Variants in VGLL4 observed in about 807,000 individuals in gnomAD.
VGLL4 encodes the protein transcription cofactor vestigial-like protein 4.
In VGLL4, 7 loss-of-function variants were observed where a neutral mutation model predicts 21.0. The ratio of observed to expected loss-of-function variants is 0.33; its 90% CI spans 0.19 to 0.63. The LOEUF is 0.63. Ranked by LOEUF, VGLL4 falls within the 20% of genes least tolerant of loss-of-function variation. VGLL4 has a pLI of 0.78. For synonymous variants in VGLL4, 222 were observed against 173.2 expected (o/e 1.28, Z -2.21); for missense variants, 394 against 425.7 (o/e 0.93, Z 0.66).
chr3:11,636,992 C>T (rs1423333240), intron 1 of VGLL4, among the ~76,000 whole-genome samples: 3 of 150,324 alleles, frequency 2.0e-5, no homozygotes, highest in African/African-American at 7.4e-5. Flanking sequence ...GATGTGTGCA[C>T]TACTTTAAAA....
intron 2 of VGLL4, among the ~76,000 whole-genome samples, chr3:11,576,122 T>A (rs2074037276): frequency 6.6e-6 from 1 of 152,220 alleles, no homozygotes; most frequent in African/African-American, 2.4e-5. Context: ...CGGTAAAGCA[T>A]CTCACCTGCC....
chr3:11,700,196 G>A (rs555294599), intron 2 of VGLL4, among the ~76,000 whole-genome samples: 1 of 152,174 alleles, frequency 6.6e-6, no homozygotes, highest in African/African-American at 2.4e-5. Context: ...AAACTAGGTA[G>A]GCCTCCAACT....
At position 11,565,704 on chromosome 3, in the gene VGLL4, ACT is replaced by A. The variant is rs2073452943; in HGVS notation, c.273-687_273-686del. 6.6e-6 allele frequency among the ~76,000 whole-genome samples: 1 copy of A among 152,230 alleles called. No individual in the cohort carries two copies. ...GTGACCTGCGTCCAGAAGGTCCATC[ACT>A]AGCCCTGGCCATGTGCTGAGCACCC... On this transcript the variant is annotated intron_variant, in intron 2 of 4. Coordinates refer to ENST00000430365, the MANE Select transcript of VGLL4 (RefSeq NM_001128219.3). This position sits in a 1 kb window ranked among gnomAD's most constrained non-coding sequence, Gnocchi z 4.1.
In VGLL4 at chr3:11,625,731, T is replaced by G. The variant is rs559573512; in HGVS notation, c.82+17706A>C. 1.0e-4 allele frequency among the ~76,000 whole-genome samples: 15 copies of G among 148,498 alleles called. No homozygotes were observed. In the East Asian group the frequency reaches 3.0e-3, roughly 29 times the overall value. ...TCTTTAAAAACATTTTTTTTTTTTG[T>G]AAATAAAATGTGGTACAGCCATACA... On this transcript the variant is annotated intron_variant, in intron 1 of 4. Coordinates refer to ENST00000430365, the MANE Select transcript of VGLL4 (RefSeq NM_001128219.3).
chr3:11,674,717 C>T (rs577778940), intron 2 of VGLL4, among the ~76,000 whole-genome samples: 6 of 152,186 alleles, frequency 3.9e-5, no homozygotes, highest in Non-Finnish European at 5.9e-5. Flanking sequence ...ACACAAGAAA[C>T]GGGACACCCA....
intron 2 of VGLL4, among the ~76,000 whole-genome samples, chr3:11,593,923 T>C (rs1465753868): frequency 6.6e-6 from 1 of 152,196 alleles, no homozygotes; most frequent in African/African-American, 2.4e-5. Context: ...AGCACAAGGC[T>C]AGTGACCATG....
intron 2 of VGLL4, among the ~76,000 whole-genome samples, chr3:11,684,402 A>G (rs1048058862): frequency 6.6e-6 from 1 of 152,008 alleles, no homozygotes; most frequent in Non-Finnish European, 1.5e-5. Flanking sequence ...TAAAAAAAAG[A>G]CAGGGTCTTA....
chr3:11,687,696 G>A (rs1274608896), intron 2 of VGLL4, among the ~76,000 whole-genome samples: 1 of 152,142 alleles, frequency 6.6e-6, no homozygotes, highest in Non-Finnish European at 1.5e-5. Flanking sequence ...ATAACCAGCT[G>A]CCTTAATTAA....
chr3:11,717,493 T>TC (rs1350801267), intron 1 of VGLL4, among the ~76,000 whole-genome samples: 2 of 136,708 alleles, frequency 1.5e-5, no homozygotes, highest in Non-Finnish European at 3.1e-5. Flanking sequence ...ACTACAGATT[T>TC]TTTTTTTTTT....
At chr3:11,613,458 C>G (rs992759409) in intron 1 of VGLL4, among the ~76,000 whole-genome samples, 4 of 152,120 alleles carry the variant, frequency 2.6e-5, no homozygotes, top group African/African-American at 7.2e-5. Context: ...CGTAACACTC[C>G]GAGCCTCTAG....
Position 11,670,828 on chromosome 3 carries a change from A to G in VGLL4, c.64+32143T>C, listed in dbSNP as rs185433624. On this transcript the variant is annotated intron_variant, in intron 2 of 5. Transcript: ENST00000273038. Reference sequence around the variant, plus strand: ...TGAGGCTGGCGGATCACCTGAGGTCAGGAGTTTGAGACCAGCCTGGCCAAC... The same window carrying G: ...TGAGGCTGGCGGATCACCTGAGGTCGGGAGTTTGAGACCAGCCTGGCCAAC... 2.5e-3 allele frequency among the ~76,000 whole-genome samples: 387 copies of G among 152,318 alleles called. 3 individuals carry two copies. Among genetic ancestry groups the G allele is most frequent in the African/African-American group, 8.6e-3 (359 of 41,586 alleles).
chr3:11,639,560 C>T (rs1177815088), intron 1 of VGLL4, among the ~76,000 whole-genome samples: 1 of 152,210 alleles, frequency 6.6e-6, no homozygotes, highest in Non-Finnish European at 1.5e-5. Context: ...CCTAACATCA[C>T]GGAGCTAATG....
chr3:11,567,281 G>T (rs2073581722), intron 2 of VGLL4, among the ~76,000 whole-genome samples: 1 of 152,284 alleles, frequency 6.6e-6, no homozygotes, highest in African/African-American at 2.4e-5. Context: ...GCGGCGCAGT[G>T]CAGCCCTCAG....
intron 2 of VGLL4, chr3:11,582,162 C>CCTGCTG: frequency 8.5e-7 from 1 of 1,178,338 alleles, no homozygotes; most frequent in Non-Finnish European, 1.2e-6. Context: ...GCAAAGACTA[C>CCTGCTG]TCTACCTCTC....
intron 3 of VGLL4, among the ~76,000 whole-genome samples, chr3:11,564,023 C>T (rs1253403233): frequency 6.6e-6 from 1 of 152,268 alleles, no homozygotes; most frequent in Non-Finnish European, 1.5e-5. Context: ...GGCACCCCCT[C>T]GGGGCACGGC....
At chr3:11,616,586 T>C (rs978396303) in intron 1 of VGLL4, among the ~76,000 whole-genome samples, 1 of 152,218 alleles carries the variant, frequency 6.6e-6, no homozygotes, top group Non-Finnish European at 1.5e-5. Context: ...GAAGTGGGAC[T>C]TGTGTCCCTG....
intron 1 of VGLL4, among the ~76,000 whole-genome samples, chr3:11,629,583 T>C (rs1011646909): frequency 2.6e-5 from 4 of 151,240 alleles, no homozygotes; most frequent in Non-Finnish European, 5.9e-5. Context: ...ACAGTGAAAC[T>C]AAAAACACAT....
intron 2 of VGLL4, among the ~76,000 whole-genome samples, chr3:11,588,454 A>G (rs2074410576): frequency 6.6e-6 from 1 of 152,234 alleles, no homozygotes; most frequent in Admixed American, 6.5e-5. Flanking sequence ...GGGGTCCTAC[A>G]GGCAGACGCC....
At chr3:11,580,402 G>A (rs975302745) in intron 2 of VGLL4, among the ~76,000 whole-genome samples, 28 of 152,360 alleles carry the variant, frequency 1.8e-4, no homozygotes, top group African/African-American at 6.5e-4. Flanking sequence ...CCGGTGATGA[G>A]CACTTGGGTT....
Sources: gnomAD v4.1 joint callset for allele counts (sites outside exome capture counted in the v4.1 genomes callset) on GRCh38, gnomAD v4.1.1 for gene constraint, Gnocchi (gnomAD v3.1) non-coding constraint, MANE v1.5 for transcripts, NCBI Gene and HGNC (gene_info 2026-07-23, HGNC 2026-07-21) for gene names.